Variants in PPFIA2 observed in about 807,000 individuals in gnomAD.
The protein encoded by PPFIA2 is PPFI scaffold protein A2.
In PPFIA2, 46 loss-of-function variants were observed where a neutral mutation model predicts 175.5. That is an observed-to-expected ratio of 0.26 (90% CI 0.21 to 0.34). The LOEUF (loss-of-function observed/expected upper bound fraction) is 0.34, where lower values mean the gene tolerates loss of function less well. Among genes scored for constraint, PPFIA2 ranks in the 10% least tolerant of loss-of-function variants. PPFIA2 has a pLI of 1.00. For missense variants in PPFIA2, 1,179 were observed against 1,506.1 expected, an observed-to-expected ratio of 0.78 and a Z score of 3.60; for synonymous variants, 568 against 511.4, an observed-to-expected ratio of 1.11 and a Z score of -1.49.
chr12:81,429,207 A>G (rs2047676702), intron 7 of PPFIA2, among the ~76,000 whole-genome samples: 1 of 152,048 alleles, frequency 6.6e-6, no homozygotes. Flanking sequence ...TAGACATACA[A>G]AATTAAATCT....
Position 81,405,840 on chromosome 12 carries a change from T to C in PPFIA2, c.709A>G (p.Thr237Ala), listed in dbSNP as rs2042841544. The C allele has an allele frequency of 6.3e-6, 10 of 1,582,556 alleles. No homozygotes were observed. Among genetic ancestry groups the C allele is most frequent in the Non-Finnish European group, 8.6e-6 (10 of 1,162,390 alleles). ...ATCCCTTCAAGATGTTCTGACTCTG[T>C]GGATCCCTCGCTTGATGCCATTTTT... is the stretch of plus-strand genomic sequence containing the variant. ...QRKMASSEGS[T>A]ESEHLEGMEP... The change falls in exon 8 of 33, where the codon ACA becomes GCA. Residue 237 changes from threonine to alanine, a missense_variant. Thr to Ala is a moderately conservative substitution (Grantham distance 58). Around this residue, in one of 10 missense-constraint regions of PPFIA2, gnomAD observed 226 missense variants for 216.6 expected, o/e 1.04. Coordinates refer to ENST00000549396, the MANE Select transcript of PPFIA2 (RefSeq NM_003625.5).
At chr12:81,433,039 A>G (rs2048371554) in intron 7 of PPFIA2, among the ~76,000 whole-genome samples, 2 of 151,694 alleles carry the variant, frequency 1.3e-5, no homozygotes, top group African/African-American at 4.8e-5. Context: ...AAAAAAACAG[A>G]AAAAAACCCA....
chr12:81,445,598 T>A lies in PPFIA2; in HGVS notation c.528A>T (p.Ala176=). The A allele has an allele frequency of 1.2e-6, 2 of 1,613,814 alleles. No homozygotes were observed. Among genetic ancestry groups the A allele is most frequent in the Non-Finnish European group, 1.7e-6 (2 of 1,179,820 alleles). Reference sequence around the variant, plus strand: ...TGTGGTGCTCAAACAAAGATTTCAGTGCCTTGAGAACTTCAACTTCACTGG... The same window carrying A: ...TGTGGTGCTCAAACAAAGATTTCAGAGCCTTGAGAACTTCAACTTCACTGG... The part of the protein sequence containing the change: ...GVSSEVEVLK[A]LKSLFEHHKA... Residue 176 remains alanine, a synonymous_variant, in exon 6 of 33, where the codon GCA becomes GCT. Coordinates refer to ENST00000549396, the MANE Select transcript of PPFIA2 (RefSeq NM_003625.5).
At chr12:81,646,078 CT>C (rs951084854) in intron 4 of PPFIA2, among the ~76,000 whole-genome samples, 9 of 152,304 alleles carry the variant, frequency 5.9e-5, no homozygotes, top group African/African-American at 2.2e-4. Context: ...ACTCTTACCC[CT>C]TCCTCCTAGG....
intron 16 of PPFIA2, among the ~76,000 whole-genome samples, chr12:81,356,209 A>C (rs769712125): frequency 6.6e-6 from 1 of 152,158 alleles, no homozygotes; most frequent in Non-Finnish European, 1.5e-5. Context: ...AGCAGTGGGA[A>C]ATGGCTGTTG....
At chr12:81,283,831 G>C (rs1286296364) in intron 25 of PPFIA2, among the ~76,000 whole-genome samples, 1 of 151,892 alleles carries the variant, frequency 6.6e-6, no homozygotes, top group Non-Finnish European at 1.5e-5. Context: ...TTGTATCTAA[G>C]ATGGTAAAGC....
chr12:81,606,526 A>C (rs2060335826), intron 4 of PPFIA2, among the ~76,000 whole-genome samples: 2 of 152,056 alleles, frequency 1.3e-5, no homozygotes, highest in Admixed American at 1.3e-4. Context: ...CTGGTGTGAG[A>C]TAGTATCTCA....
At chr12:81,615,354 C>G (rs1429067096) in intron 4 of PPFIA2, among the ~76,000 whole-genome samples, 3 of 152,112 alleles carry the variant, frequency 2.0e-5, no homozygotes, top group African/African-American at 7.2e-5. Flanking sequence ...TGTCACATAG[C>G]CAGGTGGATA....
chr12:81,468,900 T>C (rs2056238535), intron 4 of PPFIA2, among the ~76,000 whole-genome samples: 1 of 140,362 alleles, frequency 7.1e-6, no homozygotes, highest in South Asian at 2.4e-4. Context: ...CACTGGGGGG[T>C]GGGGGGTGAA....
chr12:81,713,010 T>C (rs1466167108), intron 3 of PPFIA2, among the ~76,000 whole-genome samples: 1 of 151,240 alleles, frequency 6.6e-6, no homozygotes, highest in Non-Finnish European at 1.5e-5. Flanking sequence ...ATGTCACGAT[T>C]AACTTTTTTC....
At chr12:81,499,626 T>C (rs1329093037) in intron 4 of PPFIA2, among the ~76,000 whole-genome samples, 1 of 152,068 alleles carries the variant, frequency 6.6e-6, no homozygotes, top group Non-Finnish European at 1.5e-5. Context: ...ATAAGGTAAG[T>C]ATCATTTTCT....
intron 4 of PPFIA2, among the ~76,000 whole-genome samples, chr12:81,575,011 C>A (rs1346122167): frequency 6.6e-6 from 1 of 151,794 alleles, no homozygotes; most frequent in Non-Finnish European, 1.5e-5. Context: ...AGCAAAAGAA[C>A]ACACACTCAC....
At chr12:81,339,664 T>C (rs985189513) in intron 20 of PPFIA2, among the ~76,000 whole-genome samples, 3 of 152,094 alleles carry the variant, frequency 2.0e-5, no homozygotes, top group Non-Finnish European at 4.4e-5. Context: ...ACTTGATCCA[T>C]TGTCTATTTA....
chr12:81,758,797 G>GCGGAGAC (rs1484282549), intron 1 of PPFIA2: 2 of 158,938 alleles, frequency 1.3e-5, no homozygotes, highest in Non-Finnish European at 2.8e-5. Context: ...GAGCCCCGGG[G>GCGGAGAC]CGGAGACCGG....
At chr12:81,492,224 C>CT (rs3075417) in intron 4 of PPFIA2, among the ~76,000 whole-genome samples, 43 of 150,998 alleles carry the variant, frequency 2.8e-4, no homozygotes, top group South Asian at 4.2e-4. Flanking sequence ...CTCAATTACT[C>CT]TTTTTTTTTC....
intron 16 of PPFIA2, among the ~76,000 whole-genome samples, chr12:81,355,836 T>A (rs562640450): frequency 2.0e-5 from 3 of 152,218 alleles, no homozygotes; most frequent in Admixed American, 2.0e-4. Flanking sequence ...TTTAAGGGAA[T>A]GTTGTCCATG....
At chr12:81,386,623 T>C (rs917535026) in intron 8 of PPFIA2, among the ~76,000 whole-genome samples, 13 of 151,662 alleles carry the variant, frequency 8.6e-5, no homozygotes, top group African/African-American at 3.1e-4. Context: ...CTCTGACCAA[T>C]AGTAATAATG....
intron 4 of PPFIA2, among the ~76,000 whole-genome samples, chr12:81,477,675 C>T (rs2057652776): frequency 1.3e-5 from 2 of 152,088 alleles, no homozygotes; most frequent in Admixed American, 1.3e-4. Context: ...TAGTTTTTGT[C>T]ATTGGTTCTG....
At chr12:81,724,733 A>G (rs2079819889) in intron 3 of PPFIA2, among the ~76,000 whole-genome samples, 1 of 150,926 alleles carries the variant, frequency 6.6e-6, no homozygotes, top group Non-Finnish European at 1.5e-5. Flanking sequence ...TCATCTATTG[A>G]TGGGCACTTA....
Sources: allele counts gnomAD v4.1 joint callset (sites outside exome capture counted in the v4.1 genomes callset), GRCh38; gene constraint gnomAD v4.1.1; regional missense constraint gnomAD v4.1.1; transcripts MANE v1.5; gene names NCBI Gene and HGNC (gene_info 2026-07-23, HGNC 2026-07-21).